The following DPP10 variants were observed in gnomAD, a reference collection of about 807,000 sequenced individuals.
The protein encoded by DPP10 is inactive dipeptidyl peptidase 10.
A neutral mutation model predicts 120.9 loss-of-function variants in DPP10; 33 were observed. That is an observed-to-expected ratio of 0.27 (90% CI 0.21 to 0.37). DPP10 has a LOEUF of 0.37. Among genes scored for constraint, DPP10 ranks in the 10% least tolerant of loss-of-function variants. The pLI is 1.00. For missense variants in DPP10, 816 were observed against 942.8 expected (o/e 0.87, Z 1.76); for synonymous variants, 337 against 326.1 (o/e 1.03, Z -0.36).
intron 1 of DPP10, among the ~76,000 whole-genome samples, chr2:115,093,543 C>T (rs1279444781): frequency 6.6e-6 from 1 of 151,890 alleles, no homozygotes; most frequent in East Asian, 1.9e-4. Flanking sequence ...AATCTGGAGA[C>T]ATAATAATAA....
In DPP10 at chr2:115,482,757, A is replaced by G. The variant is rs570426571; in HGVS notation, c.272-16753A>G. Among the ~76,000 whole-genome samples the G allele has an allele frequency of 7.2e-5, 11 of 152,136 alleles. No individual in the cohort carries two copies. The South Asian group carries it at 2.3e-3, about 31-fold the overall frequency. On this transcript the variant is annotated intron_variant, in intron 3 of 25. Transcript: ENST00000410059. ...AATACCAATATTATTATATGGATAT[A>G]TCACATTTTATCAATTAATCAGTTC...
In DPP10 at chr2:114,934,015, C is replaced by T. The variant is rs560153922; in HGVS notation, c.61-375224C>T. On this transcript the variant is annotated intron_variant, in intron 1 of 25. Transcript: ENST00000410059. ...ATTATTCTGAAACAGAAAACTTAGA[C>T]GTTCTGCCTACTAATGCTATTATTT... Among the ~76,000 whole-genome samples, 3 of 152,276 alleles carry T rather than the reference C, an allele frequency of 2.0e-5. No individual in the cohort carries two copies. In the South Asian group the frequency reaches 6.2e-4, roughly 32 times the overall value.
intron 5 of DPP10, among the ~76,000 whole-genome samples, chr2:115,640,127 G>A (rs1351230514): frequency 6.6e-6 from 1 of 152,106 alleles, no homozygotes; most frequent in Admixed American, 6.6e-5. Context: ...CAGGCTTGCA[G>A]AATTACTGAC....
At chr2:114,997,056 G>T (rs527599801) in intron 1 of DPP10, among the ~76,000 whole-genome samples, 5 of 150,448 alleles carry the variant, frequency 3.3e-5, no homozygotes, top group Admixed American at 6.6e-5. Context: ...ATTGGGTAAA[G>T]TATGCCTCAC....
intron 1 of DPP10, among the ~76,000 whole-genome samples, chr2:114,963,119 T>C (rs1453655250): frequency 6.6e-6 from 1 of 152,238 alleles, no homozygotes; most frequent in African/African-American, 2.4e-5. Flanking sequence ...TCTTTGCATA[T>C]ACTTATACAC....
intron 1 of DPP10, among the ~76,000 whole-genome samples, chr2:115,301,247 T>A (rs537168546): frequency 3.8e-4 from 58 of 152,116 alleles, no homozygotes; most frequent in African/African-American, 1.4e-3. Context: ...TTTCTGCATG[T>A]CAGCATACTC....
chr2:115,792,125 T>A (rs1442714106), intron 19 of DPP10, among the ~76,000 whole-genome samples: 1 of 152,188 alleles, frequency 6.6e-6, no homozygotes, highest in Non-Finnish European at 1.5e-5. Context: ...GTATTCAGTC[T>A]GTGGAATCGG....
rs554935248 is a variant in DPP10, at chr2:114,812,377, G to A, written c.60+369539G>A. On this transcript the variant is annotated intron_variant, in intron 1 of 25. Transcript: ENST00000410059. ...AGCGCTTTGGGAGGCCAAAGTGGAAGGACTGCTTGAGCCCAGGAGTTCACA... is the reference window on the plus strand; with the variant it reads ...AGCGCTTTGGGAGGCCAAAGTGGAAAGACTGCTTGAGCCCAGGAGTTCACA... Among the ~76,000 whole-genome samples, 3 of 152,150 alleles carry A rather than the reference G, an allele frequency of 2.0e-5. No homozygotes were observed. The South Asian group carries it at 6.2e-4, about 32-fold the overall frequency.
chr2:115,563,047 G>T (rs1288597552), intron 5 of DPP10, among the ~76,000 whole-genome samples: 3 of 152,176 alleles, frequency 2.0e-5, no homozygotes, highest in Admixed American at 1.3e-4. Flanking sequence ...ATAATTCATG[G>T]GTATGTATCA....
At chr2:115,500,182 AG>A (rs958333891) in intron 4 of DPP10, among the ~76,000 whole-genome samples, 3 of 152,000 alleles carry the variant, frequency 2.0e-5, no homozygotes, top group Non-Finnish European at 4.4e-5. Context: ...TGAAAAATCT[AG>A]TACCCTAAGG....
intron 1 of DPP10, among the ~76,000 whole-genome samples, chr2:114,905,093 A>G (rs1247690024): frequency 6.6e-6 from 1 of 152,198 alleles, no homozygotes; most frequent in African/African-American, 2.4e-5. Context: ...TTAGATATAA[A>G]TTGTGTTTGC....
At chr2:114,842,505 C>A (rs1688239926) in intron 1 of DPP10, among the ~76,000 whole-genome samples, 1 of 152,054 alleles carries the variant, frequency 6.6e-6, no homozygotes, top group African/African-American at 2.4e-5. Context: ...TGATTAGAAT[C>A]ATGGAAAACT....
At chr2:114,909,968 A>C (rs906619799) in intron 1 of DPP10, among the ~76,000 whole-genome samples, 8 of 151,900 alleles carry the variant, frequency 5.3e-5, no homozygotes, top group African/African-American at 1.7e-4. Context: ...AGGTCCTAGA[A>C]TCATCCAATA....
chr2:114,683,861 T>G (rs931784311), intron 1 of DPP10, among the ~76,000 whole-genome samples: 1 of 151,890 alleles, frequency 6.6e-6, no homozygotes, highest in African/African-American at 2.4e-5. Flanking sequence ...CCCCTGTATC[T>G]TGCAAACCAT....
chr2:115,468,807 A>G lies in DPP10; in HGVS notation c.272-30703A>G, dbSNP rs146885949. 1.6e-4 allele frequency: 73 copies of G among 461,408 alleles called. No individual in the cohort carries two copies. The East Asian group carries it at 3.8e-3, about 24-fold the overall frequency. 28.6% of individuals were successfully genotyped at this position (461,408 alleles called of 1,614,324 possible). ...GTTGCAGACTGGTCTCAAGGTGTGC[A>G]GGTGCCCTCTGTGCTTATTCAGCAG... On this transcript the variant is annotated intron_variant, in intron 3 of 25. Coordinates refer to ENST00000410059, the MANE Select transcript of DPP10 (RefSeq NM_020868.6).
At chr2:114,561,486 ATG>A (rs1688760678) in intron 1 of DPP10, among the ~76,000 whole-genome samples, 1 of 152,102 alleles carries the variant, frequency 6.6e-6, no homozygotes, top group African/African-American at 2.4e-5. Context: ...CCACAAATAC[ATG>A]TGCACACATA....
chr2:115,168,774 C>T (rs2053096158), intron 1 of DPP10, among the ~76,000 whole-genome samples: 1 of 152,102 alleles, frequency 6.6e-6, no homozygotes, highest in Non-Finnish European at 1.5e-5. Context: ...GAAAAGAAAG[C>T]TCTTCTATTG....
intron 1 of DPP10, among the ~76,000 whole-genome samples, chr2:114,650,686 G>A (rs941302641): frequency 7.9e-6 from 1 of 127,096 alleles, no homozygotes; most frequent in Admixed American, 7.2e-5. Flanking sequence ...GCATAATCAG[G>A]CAAGGAGTCT....
intron 21 of DPP10, among the ~76,000 whole-genome samples, chr2:115,831,935 C>A (rs1385439285): frequency 1.3e-5 from 2 of 152,162 alleles, no homozygotes; most frequent in African/African-American, 4.8e-5. Flanking sequence ...GCAGCCTACA[C>A]TGATGATGGA....
Sources: allele counts gnomAD v4.1 joint callset (sites outside exome capture counted in the v4.1 genomes callset), GRCh38; gene constraint gnomAD v4.1.1; transcripts MANE v1.5; gene names NCBI Gene and HGNC (gene_info 2026-07-23, HGNC 2026-07-21).